The following HDLBP variants were observed in gnomAD, a reference collection of about 807,000 sequenced individuals.
HDLBP encodes the protein vigilin.
A neutral mutation model predicts 137.3 loss-of-function variants in HDLBP; 30 were observed. That is an observed-to-expected ratio of 0.22 (90% confidence interval 0.16 to 0.30). The LOEUF (loss-of-function observed/expected upper bound fraction) is 0.30. Ranked by LOEUF, HDLBP falls within the 10% of genes least tolerant of loss-of-function variation. The pLI is 1.00. For missense variants in HDLBP, 1,119 were observed against 1,667.3 expected (o/e 0.67, Z 5.73); for synonymous variants, 606 against 596.0 (o/e 1.02, Z -0.24).
chr2:241,232,477 T>C (rs1338023031), intron 24 of HDLBP, among the ~76,000 whole-genome samples: 1 of 152,186 alleles, frequency 6.6e-6, no homozygotes, highest in Non-Finnish European at 1.5e-5. Flanking sequence ...GCTTTCGCCA[T>C]GTTGGTCAGG....
chr2:241,263,454 G>A (rs1001785729), intron 4 of HDLBP, among the ~76,000 whole-genome samples: 4 of 152,102 alleles, frequency 2.6e-5, no homozygotes, highest in Non-Finnish European at 4.4e-5. Flanking sequence ...GGTCCCTCCC[G>A]TTGCTTTATG....
At chr2:241,232,475 C>G (rs1314366321) in intron 24 of HDLBP, among the ~76,000 whole-genome samples, 1 of 152,090 alleles carries the variant, frequency 6.6e-6, no homozygotes, top group East Asian at 1.9e-4. Context: ...AGGCTTTCGC[C>G]ATGTTGGTCA....
intron 1 of HDLBP, among the ~76,000 whole-genome samples, chr2:241,297,412 T>C (rs981618646): frequency 1.3e-5 from 2 of 152,210 alleles, no homozygotes; most frequent in Non-Finnish European, 2.9e-5. Flanking sequence ...GAATAAACCC[T>C]GTGCTACTAC....
At chr2:241,237,653 G>A (rs1015725492) in intron 20 of HDLBP, among the ~76,000 whole-genome samples, 1 of 152,112 alleles carries the variant, frequency 6.6e-6, no homozygotes, top group Non-Finnish European at 1.5e-5. Flanking sequence ...AATTATGTAA[G>A]AGAATGTCCT....
At chr2:241,255,326 C>A (rs201949628) in intron 8 of HDLBP, 48 bp downstream of exon 8, 1 of 1,540,558 alleles carries the variant, frequency 6.5e-7, no homozygotes, top group East Asian at 2.2e-5. Flanking sequence ...ATGAAGGCCC[C>A]GCGGACTCCA....
intron 1 of HDLBP, among the ~76,000 whole-genome samples, chr2:241,296,991 A>G (rs2075202813): frequency 6.6e-6 from 1 of 152,278 alleles, no homozygotes; most frequent in Non-Finnish European, 1.5e-5. Flanking sequence ...GACACCACAC[A>G]GTAAGGCGCT....
chr2:241,283,569 G>A (rs1009664896), intron 1 of HDLBP, among the ~76,000 whole-genome samples: 2 of 151,630 alleles, frequency 1.3e-5, no homozygotes, highest in Non-Finnish European at 2.9e-5. Flanking sequence ...CTGCCTCCCA[G>A]GTTCACACCA....
chr2:241,241,394 C>T (rs1402686935), intron 17 of HDLBP, among the ~76,000 whole-genome samples: 1 of 151,666 alleles, frequency 6.6e-6, no homozygotes, highest in Non-Finnish European at 1.5e-5. Flanking sequence ...TGTGAAACCC[C>T]ATCTCTACTA....
rs530682380 is a variant in HDLBP, at chr2:241,229,400, A to C, written c.*201T>G. 15 of 530,836 alleles carry C rather than the reference A, an allele frequency of 2.8e-5. No homozygotes were observed. In the East Asian group the frequency reaches 5.0e-4, roughly 18 times the overall value. 32.9% of individuals were successfully genotyped at this position (530,836 alleles called of 1,614,324 possible). On this transcript the variant is annotated 3_prime_UTR_variant, in exon 28 of 28. Transcript: ENST00000310931. ...ACCTTGGTTTAGTGTTAAACAGTGG[A>C]GCAGGTCCTGAGCGGGCACGGCCAG...
At chr2:241,294,369 C>A (rs1016973176) in intron 1 of HDLBP, among the ~76,000 whole-genome samples, 3 of 152,162 alleles carry the variant, frequency 2.0e-5, no homozygotes, top group Non-Finnish European at 2.9e-5. Flanking sequence ...AAAGGAAAAT[C>A]GGCATTGTTT....
At chr2:241,235,085 T>A (rs972746902) in intron 23 of HDLBP, 36 bp downstream of exon 23, 1 of 1,605,782 alleles carries the variant, frequency 6.2e-7, no homozygotes, top group East Asian at 2.2e-5. Flanking sequence ...CTGAGCACCA[T>A]GGCTCTGGGC....
intron 1 of HDLBP, chr2:241,273,213 C>A: frequency 1.0e-6 from 1 of 985,574 alleles, no homozygotes; most frequent in Non-Finnish European, 1.2e-6. Context: ...GATGGCCACA[C>A]TGGCACGAGG....
intron 20 of HDLBP, 67 bp from the exon 21 acceptor site, chr2:241,236,836 G>A: frequency 6.5e-7 from 1 of 1,536,420 alleles, no homozygotes; most frequent in Non-Finnish European, 8.9e-7. Flanking sequence ...TGTTCAGAAT[G>A]CATATGTCTG....
intron 11 of HDLBP, among the ~76,000 whole-genome samples, chr2:241,251,490 C>T (rs554996426): frequency 4.7e-4 from 72 of 152,312 alleles, no homozygotes; most frequent in Middle Eastern, 3.4e-3. Flanking sequence ...GATACACGGA[C>T]GTCAGTCATG....
At chr2:241,294,509 G>A (rs894433157) in intron 1 of HDLBP, among the ~76,000 whole-genome samples, 2 of 152,122 alleles carry the variant, frequency 1.3e-5, no homozygotes, top group African/African-American at 4.8e-5. Flanking sequence ...TGCCCAGGCT[G>A]CAGTACAGTG....
rs747488885 is a variant in HDLBP, at chr2:241,230,774, G to A, written c.3459C>T (p.Ile1153=). ...GCCGGCTCACCTTGAATTCGTCCAT[G>A]ATTTTGCGAATGGCTTTGCCGCGGG... ...IGARGKAIRK[I]MDEFKVDIRF... is the part of the protein sequence containing the mutation. Residue 1153 remains isoleucine (I), a synonymous_variant, in exon 25 of 28, where the codon ATC becomes ATT. Coordinates refer to ENST00000310931, the MANE Select transcript of HDLBP (RefSeq NM_005336.6). The surrounding 1 kb of genome is among the most constrained non-coding windows in gnomAD (Gnocchi z 5.0). 1.9e-6 allele frequency: 3 copies of A among 1,614,174 alleles called. No homozygotes were observed. The Admixed American group carries it at 5.0e-5, about 27-fold the overall frequency.
chr2:241,275,352 T>TA (rs1178827598), intron 1 of HDLBP, among the ~76,000 whole-genome samples: 1 of 150,166 alleles, frequency 6.7e-6, no homozygotes, highest in Non-Finnish European at 1.5e-5. Flanking sequence ...ATTGAGACAA[T>TA]AAAAAAGCAT....
At chr2:241,243,058 C>T (rs897176220) in intron 16 of HDLBP, among the ~76,000 whole-genome samples, 15 of 152,152 alleles carry the variant, frequency 9.9e-5, no homozygotes, top group Non-Finnish European at 1.6e-4. Context: ...CCTATGGATA[C>T]ATAAACTTTT....
At chr2:241,302,668 T>C (rs2075434646) in intron 1 of HDLBP, 1 of 152,390 alleles carries the variant, frequency 6.6e-6, no homozygotes, top group Non-Finnish European at 1.5e-5. Context: ...ATCTGGTCCT[T>C]TTGGGATAAG....
Sources: gnomAD v4.1 joint callset for allele counts (sites outside exome capture counted in the v4.1 genomes callset) on GRCh38, gnomAD v4.1.1 for gene constraint, Gnocchi (gnomAD v3.1) non-coding constraint, MANE v1.5 for transcripts, NCBI Gene and HGNC (gene_info 2026-07-23, HGNC 2026-07-21) for gene names.